The following MAPK14 variants were observed in gnomAD, a reference collection of about 807,000 sequenced individuals.
MAPK14 encodes CSAID-binding protein.
MAPK14 carries 16 observed loss-of-function variants against 49.6 expected under a neutral mutation model. The observed-to-expected ratio is 0.32, with a 90% CI of 0.22 to 0.49. The LOEUF is 0.49. Ranked by LOEUF, MAPK14 falls within the 20% of genes least tolerant of loss-of-function variation. MAPK14 has a pLI of 0.99. For missense variants in MAPK14, 200 were observed against 441.2 expected, an observed-to-expected ratio of 0.45 and a Z score of 4.90; for synonymous variants, 142 against 158.0, an observed-to-expected ratio of 0.90 and a Z score of 0.76.
intron 8 of MAPK14, among the ~76,000 whole-genome samples, chr6:36,080,848 CT>C (rs533883657): frequency 2.3e-3 from 331 of 142,418 alleles, no homozygotes; most frequent in Admixed American, 4.0e-3. Context: ...CAAACTTGTT[CT>C]TTTTTTTTTT....
chr6:36,123,775 CAGAG>C, the MAPK14 span, among the ~76,000 whole-genome samples: 1 of 152,156 alleles, frequency 6.6e-6, no homozygotes, highest in Non-Finnish European at 1.5e-5. Context: ...CGAGATCAAA[CAGAG>C]CGGAGGCCTG....
chr6:36,066,610 CCAGA>C (rs1447986279), intron 3 of MAPK14, among the ~76,000 whole-genome samples: 4 of 151,940 alleles, frequency 2.6e-5, no homozygotes, highest in African/African-American at 9.7e-5. Context: ...GAAATTTATT[CCAGA>C]CAGAGAATGA....
chr6:36,029,760 A>G (rs1009036091), intron 1 of MAPK14, among the ~76,000 whole-genome samples: 4 of 152,186 alleles, frequency 2.6e-5, no homozygotes, highest in African/African-American at 9.7e-5. Flanking sequence ...TGCAGATAGC[A>G]CCGTGCTTGA....
chr6:36,108,326 A>G (rs1765861409), intron 11 of MAPK14, 54 bp from the exon 12 acceptor site: 1 of 1,371,890 alleles, frequency 7.3e-7, no homozygotes, highest in Non-Finnish European at 1.0e-6. Flanking sequence ...AGTGCTTGCC[A>G]GCAAAGAGAA....
At chr6:36,065,454 G>C (rs1937240776) in intron 3 of MAPK14, among the ~76,000 whole-genome samples, 1 of 151,126 alleles carries the variant, frequency 6.6e-6, no homozygotes, top group Admixed American at 6.6e-5. Context: ...TTGGAAAGGT[G>C]GGGAAAGTAC....
chr6:36,063,700 G>A (rs1382020365), intron 3 of MAPK14, among the ~76,000 whole-genome samples: 1 of 152,146 alleles, frequency 6.6e-6, no homozygotes, highest in African/African-American at 2.4e-5. Context: ...GGAACAATAG[G>A]TAGTGCATTT....
chr6:36,058,933 A>G (rs1049536683), intron 2 of MAPK14, among the ~76,000 whole-genome samples: 1 of 147,786 alleles, frequency 6.8e-6, no homozygotes, highest in Non-Finnish European at 1.5e-5. Context: ...GCACTCTCCC[A>G]GGCTGGAGTG....
At chr6:36,063,333 A>T (rs1324708399) in intron 3 of MAPK14, among the ~76,000 whole-genome samples, 1 of 152,170 alleles carries the variant, frequency 6.6e-6, no homozygotes, top group Non-Finnish European at 1.5e-5. Context: ...TACTCCTATA[A>T]TCCCAGCACT....
At chr6:36,043,262 T>G (rs1054722397) in intron 1 of MAPK14, among the ~76,000 whole-genome samples, 1 of 152,230 alleles carries the variant, frequency 6.6e-6, no homozygotes, top group African/African-American at 2.4e-5. Context: ...AGCGAAGATA[T>G]TAAAGCTAAT....
chr6:36,080,853 T>G lies in MAPK14; in HGVS notation c.682+4245T>G, dbSNP rs191439502. On this transcript the variant is annotated intron_variant, in intron 8 of 11. Coordinates refer to ENST00000229794, the MANE Select transcript of MAPK14 (RefSeq NM_139012.3). ...CCTGTATCTCCAAACTTGTTCTTTT[T>G]TTTTTTTTAATAGTCACCCAAGTAG... is the stretch of plus-strand genomic sequence containing the variant. Among the ~76,000 whole-genome samples the G allele has an allele frequency of 7.9e-5, 12 of 152,282 alleles. No individual in the cohort carries two copies. In the East Asian group the frequency reaches 2.3e-3, roughly 29 times the overall value.
intron 1 of MAPK14, 48 bp from the exon 2 acceptor site, chr6:36,052,648 ATAT>A (rs747996882): frequency 3.4e-5 from 51 of 1,522,106 alleles, no homozygotes; most frequent in African/African-American, 4.2e-5. Context: ...CCCCAAAATA[ATAT>A]TTAGAACAGC....
rs61764193 is a variant in MAPK14 at position 36,107,936 on chromosome 6, G to A, written c.1015+308G>A. ...TACAGTTTTACAATTAGTAGAACTG[G>A]GGCAAAGAGAATTTATGTCTTATCA... is the stretch of plus-strand genomic sequence containing the variant. On this transcript the variant is annotated intron_variant, in intron 11 of 11. Coordinates refer to ENST00000229794, the MANE Select transcript of MAPK14 (RefSeq NM_139012.3). This position sits in a 1 kb window ranked among gnomAD's most constrained non-coding sequence, Gnocchi z 4.3. Among the ~76,000 whole-genome samples the A allele has an allele frequency of 4.5e-3, 678 of 152,244 alleles. 5 individuals carry two copies. The highest frequency in any genetic ancestry group is 0.014 in the African/African-American group (565 of 41,516).
At chr6:36,064,746 A>G (rs1190969518) in intron 3 of MAPK14, among the ~76,000 whole-genome samples, 1 of 152,254 alleles carries the variant, frequency 6.6e-6, no homozygotes, top group Admixed American at 6.5e-5. Flanking sequence ...TTGAATATCT[A>G]CCTTATGCTA....
chr6:36,075,172 G>A (rs902316944), intron 6 of MAPK14, among the ~76,000 whole-genome samples: 1 of 143,104 alleles, frequency 7.0e-6, no homozygotes, highest in African/African-American at 2.7e-5. Flanking sequence ...CTTGCAGTGC[G>A]CCGAGATAGT....
In MAPK14 at chr6:36,099,743, C is replaced by G. The variant is rs377765135; in HGVS notation, c.763-2828C>G. Among the ~76,000 whole-genome samples, 4 of 152,226 alleles carry G rather than the reference C, an allele frequency of 2.6e-5. No individual in the cohort carries two copies. In the Middle Eastern group the frequency reaches 0.01, roughly 388 times the overall value. ...GGATGGTGCCTTGGAGAACCTGTGCCGCAAAAGTTTAGTCTCTTCCTTGAA... is the reference window on the plus strand; with the variant it reads ...GGATGGTGCCTTGGAGAACCTGTGCGGCAAAAGTTTAGTCTCTTCCTTGAA... On this transcript the variant is annotated intron_variant, in intron 9 of 11. Transcript: ENST00000229794.
chr6:36,101,502 T>A (rs1024681167), intron 9 of MAPK14, among the ~76,000 whole-genome samples: 1 of 151,902 alleles, frequency 6.6e-6, no homozygotes, highest in African/African-American at 2.4e-5. Context: ...TTTTTTTTTT[T>A]AAGACAGGAT....
intron 6 of MAPK14, among the ~76,000 whole-genome samples, chr6:36,075,529 A>G (rs1764497265): frequency 6.6e-6 from 1 of 152,086 alleles, no homozygotes; most frequent in African/African-American, 2.4e-5. Flanking sequence ...GCTGATGGAC[A>G]TTTGCTTGAG....
Position 36,108,759 on chromosome 6 carries a change from A to T in MAPK14, c.*312A>T, listed in dbSNP as rs1488218894. The T allele has an allele frequency of 1.1e-5, 4 of 357,818 alleles. No homozygotes were observed. The highest frequency in any genetic ancestry group is 8.3e-5 in the Admixed American group (2 of 23,962). 22.2% of individuals were successfully genotyped at this position (357,818 alleles called of 1,614,324 possible). A position where few individuals can be genotyped will look rare whatever the true frequency, so the allele number is the denominator to read the frequency against. ...AGACAAGAGCTGCTGTCCTTTTAGG[A>T]ATATGTTCAATGCAAAGTAAAAAAA... On this transcript the variant is annotated 3_prime_UTR_variant, in exon 12 of 12. Transcript: ENST00000229794.
intron 1 of MAPK14, among the ~76,000 whole-genome samples, chr6:36,041,434 A>G (rs942025888): frequency 1.3e-5 from 2 of 152,054 alleles, no homozygotes; most frequent in Non-Finnish European, 2.9e-5. Context: ...TTCATATACT[A>G]TCCTTCCAAA....
Sources: allele counts gnomAD v4.1 joint callset (sites outside exome capture counted in the v4.1 genomes callset), GRCh38; gene constraint gnomAD v4.1.1; non-coding constraint Gnocchi (gnomAD v3.1); transcripts MANE v1.5; gene names NCBI Gene and HGNC (gene_info 2026-07-23, HGNC 2026-07-21).